CCDC30: variants seen among roughly 807,000 people sequenced by gnomAD.
CCDC30 encodes the protein coiled-coil domain containing 30, also known as coiled-coil domain-containing protein 30.
In CCDC30, 70 loss-of-function variants were observed where a neutral mutation model predicts 100.2. That is an observed-to-expected ratio of 0.70 (90% CI 0.58 to 0.85). CCDC30 has a LOEUF of 0.85. Ranked by LOEUF, CCDC30 falls within the 40% of genes least tolerant of loss-of-function variation. CCDC30 has a pLI of 0.00. For synonymous variants in CCDC30, 233 were observed against 269.5 expected (o/e 0.86, Z 1.33); for missense variants, 652 against 771.2 (o/e 0.85, Z 1.83).
intron 6 of CCDC30, among the ~76,000 whole-genome samples, chr1:42,500,674 A>G (rs1479662866): frequency 6.6e-6 from 1 of 152,074 alleles, no homozygotes; most frequent in African/African-American, 2.4e-5. Context: ...CAGCCTCCCA[A>G]AGTGCTGGGA....
intron 10 of CCDC30, among the ~76,000 whole-genome samples, chr1:42,601,361 G>C (rs1039456850): frequency 6.6e-6 from 1 of 152,142 alleles, no homozygotes; most frequent in Non-Finnish European, 1.5e-5. Flanking sequence ...GAAACAAAGA[G>C]AGGGGATTGG....
At chr1:42,597,182 T>G (rs950125906) in intron 10 of CCDC30, among the ~76,000 whole-genome samples, 1 of 152,080 alleles carries the variant, frequency 6.6e-6, no homozygotes, top group African/African-American at 2.4e-5. Context: ...GTATGATAGA[T>G]ACATATAGAT....
intron 6 of CCDC30, among the ~76,000 whole-genome samples, chr1:42,506,136 TTAAAA>T (rs1382185659): frequency 5.9e-5 from 9 of 152,354 alleles, no homozygotes; most frequent in Non-Finnish European, 1.2e-4. Flanking sequence ...TGTAGATAGC[TTAAAA>T]TAAAAGTTTC....
chr1:42,457,228 CT>C, the CCDC30 span: 1 of 1,613,786 alleles, frequency 6.2e-7, no homozygotes, highest in Non-Finnish European at 8.5e-7. Context: ...TTGTTAACAC[CT>C]TGTGTTTCTC....
chr1:42,621,100 A>G (rs991758168), intron 11 of CCDC30, among the ~76,000 whole-genome samples: 47 of 152,338 alleles, frequency 3.1e-4, no homozygotes, highest in African/African-American at 1.1e-3. Context: ...CCCTGAATAT[A>G]CAATCTGATT....
At chr1:42,653,784 T>C (rs747295629) in intron 16 of CCDC30, 34 bp from the exon 21 acceptor site, 6 of 1,522,450 alleles carry the variant, frequency 3.9e-6, no homozygotes, top group African/African-American at 1.4e-5. Flanking sequence ...ACAAACTCTA[T>C]GTACATGATG....
intron 11 of CCDC30, among the ~76,000 whole-genome samples, chr1:42,632,041 C>G (rs2148670417): frequency 6.6e-6 from 1 of 152,246 alleles, no homozygotes; most frequent in Middle Eastern, 3.4e-3. Flanking sequence ...TTTTCTCAAG[C>G]AGGAGTTTCA....
intron 6 of CCDC30, among the ~76,000 whole-genome samples, chr1:42,557,700 T>A (rs1285379523): frequency 6.8e-6 from 1 of 147,568 alleles, no homozygotes; most frequent in Non-Finnish European, 1.5e-5. Flanking sequence ...ATATTAAATA[T>A]ATTAAATAAA....
intron 6 of CCDC30, among the ~76,000 whole-genome samples, chr1:42,502,279 T>C (rs1044922444): frequency 1.3e-5 from 2 of 152,090 alleles, no homozygotes; most frequent in Non-Finnish European, 2.9e-5. Flanking sequence ...CTCCGAGCCA[T>C]GCGTGGGATA....
chr1:42,494,361 G>A lies in CCDC30; in HGVS notation c.242-2737G>A, dbSNP rs573936407. On this transcript the variant is annotated intron_variant, in intron 4 of 16. Transcript: ENST00000668663. ...CCTTATATGAAAATTAATTCAAGAT[G>A]GGTTAAAGACTTACATGTTAGACCT... Among the ~76,000 whole-genome samples the A allele has an allele frequency of 8.5e-4, 130 of 152,122 alleles. 2 individuals carry two copies. Among genetic ancestry groups the A allele is most frequent in the African/African-American group, 3.1e-3 (127 of 41,476 alleles).
At chr1:42,593,573 A>G (rs1646228634) in intron 10 of CCDC30, 1 of 152,140 alleles carries the variant, frequency 6.6e-6, no homozygotes, top group South Asian at 2.1e-4. Flanking sequence ...GGAAGTCTGG[A>G]TGAGCCTGAA....
chr1:42,633,291 G>T (rs1470478363), intron 11 of CCDC30, among the ~76,000 whole-genome samples: 1 of 152,152 alleles, frequency 6.6e-6, no homozygotes, highest in Admixed American at 6.5e-5. Flanking sequence ...GATGAATTTT[G>T]CATGCTTCAC....
chr1:42,613,962 G>C (rs1646675857), intron 11 of CCDC30, among the ~76,000 whole-genome samples: 1 of 152,018 alleles, frequency 6.6e-6, no homozygotes, highest in Non-Finnish European at 1.5e-5. Flanking sequence ...AAATGCCTCT[G>C]ACACTACCAA....
intron 10 of CCDC30, among the ~76,000 whole-genome samples, chr1:42,603,461 G>A (rs1325026566): frequency 1.3e-5 from 2 of 152,146 alleles, no homozygotes; most frequent in Non-Finnish European, 2.9e-5. Flanking sequence ...GCGTAAAAAG[G>A]ATTTGACAAA....
At position 42,558,385 on chromosome 1, in the gene CCDC30, A is replaced by T. The variant is rs112426841; in HGVS notation, c.457-7911A>T. On this transcript the variant is annotated intron_variant, in intron 6 of 16. Transcript: ENST00000668663. ...TCAAGGCATTCCATGTTGTTTGCAG[A>T]TGGAAAATGAAGACAGTTAAGGGAA... The T allele has an allele frequency of 6.2e-3, 948 of 153,198 alleles. 5 individuals carry two copies. Among genetic ancestry groups the T allele is most frequent in the African/African-American group, 0.021 (884 of 41,586 alleles). 9.5% of individuals were successfully genotyped at this position (153,198 alleles called of 1,614,324 possible). A position where few individuals can be genotyped will look rare whatever the true frequency, so the allele number is the denominator to read the frequency against.
intron 1 of CCDC30, among the ~76,000 whole-genome samples, chr1:42,474,105 A>T (rs1345466179): frequency 2.0e-5 from 3 of 152,206 alleles, no homozygotes; most frequent in Admixed American, 2.0e-4. Flanking sequence ...AGCTTCACAC[A>T]GGTAACATTT....
chr1:42,636,398 C>A (rs561762250), intron 11 of CCDC30, among the ~76,000 whole-genome samples: 1 of 150,914 alleles, frequency 6.6e-6, no homozygotes, highest in Admixed American at 6.6e-5. Flanking sequence ...AGAGTGAGAC[C>A]CTGTCTCAAA....
At chr1:42,646,345 A>G in intron 15 of CCDC30, 28 bp downstream of exon 19, 3 of 1,451,310 alleles carry the variant, frequency 2.1e-6, no homozygotes, top group Non-Finnish European at 2.7e-6. Flanking sequence ...CCACATCCAC[A>G]ATACCCTTCC....
At chr1:42,536,574 A>G (rs779008508) in intron 6 of CCDC30, 6 of 1,612,678 alleles carry the variant, frequency 3.7e-6, no homozygotes, top group Non-Finnish European at 5.1e-6. Context: ...TTGACACTGC[A>G]GAGAAGGCCT....
Sources: gnomAD v4.1 joint callset for allele counts (sites outside exome capture counted in the v4.1 genomes callset) on GRCh38, gnomAD v4.1.1 for gene constraint, MANE v1.5 for transcripts, NCBI Gene and HGNC (gene_info 2026-07-23, HGNC 2026-07-21) for gene names.